ATP10D: variants seen among roughly 807,000 people sequenced by gnomAD.
ATP10D encodes ATPase phospholipid transporting 10D (putative).
ATP10D carries 89 observed loss-of-function variants against 144.8 expected under a neutral mutation model. The ratio of observed to expected loss-of-function variants is 0.61; its 90% CI spans 0.52 to 0.73. The LOEUF (loss-of-function observed/expected upper bound fraction) is 0.73. Among genes scored for constraint, ATP10D ranks in the 30% least tolerant of loss-of-function variants. The pLI is 0.00. For missense variants in ATP10D, 1,603 were observed against 1,714.8 expected (o/e 0.93, Z 1.15); for synonymous variants, 571 against 615.1 (o/e 0.93, Z 1.06).
At chr4:47,575,939 T>C (rs1445886610) in intron 18 of ATP10D, among the ~76,000 whole-genome samples, 7 of 143,268 alleles carry the variant, frequency 4.9e-5, no homozygotes, top group East Asian at 4.1e-4. Flanking sequence ...TTTTTTTTTT[T>C]TTTTTTTTTT....
chr4:47,574,324 G>A (rs1312788088), intron 18 of ATP10D, among the ~76,000 whole-genome samples: 1 of 152,198 alleles, frequency 6.6e-6, no homozygotes, highest in Non-Finnish European at 1.5e-5. Flanking sequence ...TAATCCTTGA[G>A]TGGCCATTCA....
At chr4:47,555,027 G>GAATCAGTGTTATACAGCTAC in intron 11 of ATP10D, 113 bp downstream of exon 11, 1 of 911,578 alleles carries the variant, frequency 1.1e-6, no homozygotes, top group Non-Finnish European at 1.7e-6. Context: ...AATAGTAGCT[G>GAATCAGTGTTATACAGCTAC]TATAACACTG....
At position 47,593,322 on chromosome 4, in the gene ATP10D, T is replaced by G. The variant is rs1480244688; in HGVS notation, c.*1941T>G. 1 of 152,102 alleles carries G rather than the reference T, an allele frequency of 6.6e-6. No homozygotes were observed. The highest frequency in any genetic ancestry group is 2.4e-5 in the African/African-American group (1 of 41,440). 9.4% of individuals were successfully genotyped at this position (152,102 alleles called of 1,614,324 possible). On this transcript the variant is annotated 3_prime_UTR_variant, in exon 23 of 23. Transcript: ENST00000273859. ...ATATTTTTCATAAATTAGGCGTAAA[T>G]TCTATGCCCTGAACAAATGTAAAGC... is the stretch of plus-strand genomic sequence containing the variant.
At position 47,575,971 on chromosome 4, in the gene ATP10D, G is replaced by A. The variant is rs890103831; in HGVS notation, c.3367-802G>A. On this transcript the variant is annotated intron_variant, in intron 18 of 22. Transcript: ENST00000273859. Reference sequence around the variant, plus strand: ...TTTTGAGACGGAGTCTCGCTCTGTCGCCCAGGCTGGAGTGCAGTGGCGCGA... The same window carrying A: ...TTTTGAGACGGAGTCTCGCTCTGTCACCCAGGCTGGAGTGCAGTGGCGCGA... Among the ~76,000 whole-genome samples, 20 of 113,670 alleles carry A rather than the reference G, an allele frequency of 1.8e-4. No homozygotes were observed. The South Asian group carries it at 2.5e-3, about 14-fold the overall frequency. The allele number at this position is 113,670 out of a possible 152,430, so 74.6% of individuals were successfully genotyped here.
At chr4:47,515,722 A>G (rs751767426) in intron 3 of ATP10D, 52 bp downstream of exon 3, 12 of 1,397,522 alleles carry the variant, frequency 8.6e-6, no homozygotes, top group Non-Finnish European at 1.1e-5. Flanking sequence ...ATTGAGAAAT[A>G]TGCAGAATGT....
chr4:47,535,471 C>T lies in ATP10D; in HGVS notation c.777-38C>T, dbSNP rs1331411326. ...ATTTATTTTTATATCCCCACTTTTG[C>T]TGTTTAAAAGTGAATTTATATGCTG... On this transcript the variant is annotated intron_variant, in intron 5 of 22. Transcript: ENST00000273859. 2.0e-6 allele frequency: 3 copies of T among 1,482,328 alleles called. No individual in the cohort carries two copies. The African/African-American group carries it at 4.3e-5, about 21-fold the overall frequency. The allele number at this position is 1,482,328 out of a possible 1,614,324, so 91.8% of individuals were successfully genotyped here.
At chr4:47,491,522 A>G (rs1715082215) in intron 1 of ATP10D, 1 of 545,266 alleles carries the variant, frequency 1.8e-6, no homozygotes, top group Non-Finnish European at 3.3e-6. Context: ...AAATCTTATA[A>G]ATGTCTGTAT....
Position 47,502,442 on chromosome 4 carries a change from C to A in ATP10D, c.-37-10062C>A, listed in dbSNP as rs143327089. 8.9e-3 allele frequency among the ~76,000 whole-genome samples: 1,342 copies of A among 150,936 alleles called. 14 individuals are homozygous for A. The highest frequency in any genetic ancestry group is 0.058 in the Middle Eastern group (17 of 292). On this transcript the variant is annotated intron_variant, in intron 1 of 22. Coordinates refer to ENST00000273859, the MANE Select transcript of ATP10D (RefSeq NM_020453.4). ...CCGAGATAGCGCCACTGCACTCCAG[C>A]CTGGGCGTTAGAGTGAGACTACGTC...
At chr4:47,554,591 A>G in intron 10 of ATP10D, 135 bp from the exon 11 acceptor site, 1 of 663,074 alleles carries the variant, frequency 1.5e-6, no homozygotes, top group Non-Finnish European at 2.4e-6. Flanking sequence ...ATACATTACA[A>G]TTGTTTTTAG....
chr4:47,490,942 C>A, intron 1 of ATP10D: 8 of 434,266 alleles, frequency 1.8e-5, no homozygotes, highest in East Asian at 5.5e-5. Context: ...TTTTTTTTTT[C>A]AGTCAGAAGT....
At chr4:47,548,877 G>A (rs944446288) in intron 10 of ATP10D, among the ~76,000 whole-genome samples, 1 of 152,150 alleles carries the variant, frequency 6.6e-6, no homozygotes, top group African/African-American at 2.4e-5. Flanking sequence ...TGAAAAATGA[G>A]CATCTGCAAA....
chr4:47,546,879 G>A lies in ATP10D; in HGVS notation c.1635+17G>A. ...AGCCCCATTGTAAGTATGAATGCAT[G>A]ACTAGAGTCTTGCACATCCACAATG... On this transcript the variant is annotated intron_variant, in intron 10 of 22. Transcript: ENST00000273859. The A allele has an allele frequency of 6.3e-7, 1 of 1,598,742 alleles. No individual in the cohort carries two copies. The highest frequency in any genetic ancestry group is 8.6e-7 in the Non-Finnish European group (1 of 1,167,800).
chr4:47,516,974 T>C (rs1397900602), intron 3 of ATP10D, among the ~76,000 whole-genome samples: 1 of 152,164 alleles, frequency 6.6e-6, no homozygotes, highest in African/African-American at 2.4e-5. Flanking sequence ...CCTCAAAAAA[T>C]AGCTATAAGA....
At position 47,555,688 on chromosome 4, in the gene ATP10D, C is replaced by T. The variant is rs190267470; in HGVS notation, c.1824+774C>T. On this transcript the variant is annotated intron_variant, in intron 11 of 22. Coordinates refer to ENST00000273859, the MANE Select transcript of ATP10D (RefSeq NM_020453.4). ...TTGAGACTTCTGAGACCTCCAACAT[C>T]GTATGTATTATATCAGGCAAAATAT... Among the ~76,000 whole-genome samples the T allele has an allele frequency of 4.5e-3, 690 of 151,984 alleles. 3 individuals carry two copies. The highest frequency in any genetic ancestry group is 0.024 in the Middle Eastern group (7 of 288).
At chr4:47,528,359 G>A (rs549226905) in intron 5 of ATP10D, among the ~76,000 whole-genome samples, 10 of 151,406 alleles carry the variant, frequency 6.6e-5, no homozygotes, top group South Asian at 4.2e-4. Flanking sequence ...TGATTTTCTC[G>A]TTTTGAGTTA....
At position 47,587,034 on chromosome 4, in the gene ATP10D, C is replaced by T; in HGVS notation, c.3769C>T (p.Leu1257=). ...ESKSLTWIHL[L]VIIGSILSYF... ...TGTCTTACAGACTTGGATTCACTTG[C>T]TGGTCATCATTGGTAGCATCTTGTC... The change falls in exon 22 of 23, where the codon CTG becomes TTG. Residue 1257 remains leucine, a synonymous_variant. Coordinates refer to ENST00000273859, the MANE Select transcript of ATP10D (RefSeq NM_020453.4). The T allele has an allele frequency of 1.2e-6, 2 of 1,613,826 alleles. No individual in the cohort carries two copies. Among genetic ancestry groups the T allele is most frequent in the Non-Finnish European group, 1.7e-6 (2 of 1,179,828 alleles).
chr4:47,528,501 G>GTA (rs1395141113), intron 5 of ATP10D, among the ~76,000 whole-genome samples: 3 of 44,506 alleles, frequency 6.7e-5, no homozygotes, highest in African/African-American at 2.8e-4. Context: ...GTGTGTGTGT[G>GTA]TGTGTGTGTG....
At chr4:47,512,238 A>G (rs1716373657) in intron 1 of ATP10D, among the ~76,000 whole-genome samples, 1 of 152,240 alleles carries the variant, frequency 6.6e-6, no homozygotes, top group Non-Finnish European at 1.5e-5. Context: ...TGCACAAATT[A>G]AGCCCAAATT....
At position 47,535,561 on chromosome 4, in the gene ATP10D, A is replaced by C. The variant is rs1717799770; in HGVS notation, c.829A>C (p.Arg277=). Residue 277 remains arginine (R), a synonymous_variant, in exon 6 of 23, where the codon AGA becomes CGA. Transcript: ENST00000273859. ...VGLSKENLLL[R]GCTIRNTEAV... ...TCTCAGTAAAGAAAATTTGTTGCTT[A>C]GAGGATGCACCATTAGAAACACAGA... The C allele has an allele frequency of 6.2e-7, 1 of 1,613,270 alleles. No homozygotes were observed. The highest frequency in any genetic ancestry group is 1.3e-5 in the African/African-American group (1 of 74,992).
Sources: gnomAD v4.1 joint callset for allele counts (sites outside exome capture counted in the v4.1 genomes callset) on GRCh38, gnomAD v4.1.1 for gene constraint, MANE v1.5 for transcripts, NCBI Gene and HGNC (gene_info 2026-07-23, HGNC 2026-07-21) for gene names.